Variants in PRRG1 observed in about 807,000 individuals in gnomAD.
PRRG1 encodes proline rich and Gla domain 1.
Under a neutral mutation model 11.8 loss-of-function variants are expected in PRRG1, and 5 were observed. The ratio of observed to expected loss-of-function variants is 0.42; its 90% confidence interval spans 0.22 to 0.89. The LOEUF (loss-of-function observed/expected upper bound fraction) is 0.89. Among genes scored for constraint, PRRG1 ranks in the 40% least tolerant of loss-of-function variants. PRRG1 has a pLI of 0.28. For synonymous variants in PRRG1, 66 were observed against 60.4 expected (o/e 1.09, Z -0.43); for missense variants, 155 against 166.1 (o/e 0.93, Z 0.37).
intron 3 of PRRG1, among the ~76,000 whole-genome samples, chrX:37,428,327 G>A (rs782727510): frequency 6.3e-5 from 7 of 111,459 alleles, no homozygotes; most frequent in South Asian, 3.8e-4. Context: ...TGTCCCTTCC[G>A]CCTATGAGTG....
At chrX:37,446,662 A>G (rs967424269) in intron 3 of PRRG1, among the ~76,000 whole-genome samples, 2 of 111,143 alleles carry the variant, frequency 1.8e-5, no homozygotes, top group Non-Finnish European at 3.8e-5. Flanking sequence ...CCCTGAGACT[A>G]ATTTATAGAG....
At chrX:37,368,766 C>T (rs1356987200) in intron 1 of PRRG1, among the ~76,000 whole-genome samples, 3 of 109,874 alleles carry the variant, frequency 2.7e-5, no homozygotes, top group Admixed American at 1.9e-4. Context: ...TTTTTAAATC[C>T]GTAAATGTTT....
chrX:37,364,962 G>C (rs2146927049), intron 1 of PRRG1, among the ~76,000 whole-genome samples: 1 of 111,716 alleles, frequency 9.0e-6, no homozygotes, highest in East Asian at 2.8e-4. Context: ...CCTACATATA[G>C]TCATATTAAA....
At chrX:37,402,333 A>G (rs1304773975) in intron 1 of PRRG1, among the ~76,000 whole-genome samples, 3 of 111,597 alleles carry the variant, frequency 2.7e-5, no homozygotes, top group Admixed American at 9.5e-5. Flanking sequence ...ATAATACTGC[A>G]TATCTACAAC....
chrX:37,455,521 A>G lies in PRRG1; in HGVS notation c.*1900A>G, dbSNP rs1232437412. On this transcript the variant is annotated 3_prime_UTR_variant, in exon 4 of 4. Coordinates refer to ENST00000378628, the MANE Select transcript of PRRG1 (RefSeq NM_001142395.2). ...TGTGGGCTGTTAGAGAACCCCTGCC[A>G]TGCTCTGGTCTGTTCTGAAACTGTG... The G allele has an allele frequency of 1.8e-5, 2 of 112,143 alleles. No individual in the cohort carries two copies. The highest frequency in any genetic ancestry group is 5.6e-4 in the East Asian group (2 of 3,586). 9.2% of individuals were successfully genotyped at this position (112,143 alleles called of 1,213,427 possible).
intron 1 of PRRG1, among the ~76,000 whole-genome samples, chrX:37,390,180 C>G (rs1931476546): frequency 9.0e-6 from 1 of 111,200 alleles, no homozygotes; most frequent in Non-Finnish European, 1.9e-5. Context: ...TCCCTCAAGC[C>G]TCTTTTATAA....
intron 3 of PRRG1, among the ~76,000 whole-genome samples, chrX:37,450,724 G>A (rs1421274988): frequency 8.9e-6 from 1 of 111,870 alleles, no homozygotes; most frequent in Non-Finnish European, 1.9e-5. Context: ...TGACCTGAGA[G>A]ACTGGGAAGA....
At position 37,406,227 on chromosome X, in the gene PRRG1, C is replaced by T. The variant is rs1932185369; in HGVS notation, c.-23C>T. The T allele has an allele frequency of 5.8e-6, 7 of 1,210,032 alleles. No homozygotes were observed. The highest frequency in any genetic ancestry group is 5.9e-5 in the East Asian group (2 of 33,811). On this transcript the variant is annotated 5_prime_UTR_variant, in exon 2 of 4. The change creates a new upstream start codon in the 5' untranslated region. Transcript: ENST00000378628. ...TGTACAGGGAATCATCATCCAGGGA[C>T]GTGCCAGAAACCACAAGAAAACATG...
intron 1 of PRRG1, among the ~76,000 whole-genome samples, chrX:37,402,295 C>T (rs1357739526): frequency 9.0e-6 from 1 of 111,306 alleles, no homozygotes; most frequent in Non-Finnish European, 1.9e-5. Flanking sequence ...GACATATAGA[C>T]CAATGGAACA....
chrX:37,420,848 C>A (rs373750123), intron 2 of PRRG1, among the ~76,000 whole-genome samples: 2 of 109,634 alleles, frequency 1.8e-5, no homozygotes, highest in South Asian at 7.9e-4. Flanking sequence ...GGCTACAGAG[C>A]GAAACTCTGT....
intron 3 of PRRG1, among the ~76,000 whole-genome samples, chrX:37,445,925 A>G (rs1486178688): frequency 1.8e-5 from 2 of 112,669 alleles, no homozygotes; most frequent in African/African-American, 6.4e-5. Flanking sequence ...CTAAGACTGT[A>G]TGTCCTACAA....
Position 37,455,806 on chromosome X carries a change from T to C in PRRG1, c.*2185T>C. On this transcript the variant is annotated 3_prime_UTR_variant, in exon 4 of 4. Coordinates refer to ENST00000378628, the MANE Select transcript of PRRG1 (RefSeq NM_001142395.2). ...TGTATGTATGTGTGGGGTTTTTTTC[T>C]TTATTTTTAAATGAAAATTAAGACA... The C allele has an allele frequency of 8.9e-6, 1 of 112,456 alleles. No individual in the cohort carries two copies. Among genetic ancestry groups the C allele is most frequent in the African/African-American group, 3.2e-5 (1 of 30,998 alleles). 9.3% of individuals were successfully genotyped at this position (112,456 alleles called of 1,213,427 possible).
intron 2 of PRRG1, among the ~76,000 whole-genome samples, chrX:37,410,118 A>C (rs782105161): frequency 2.7e-5 from 3 of 111,986 alleles, no homozygotes; most frequent in Non-Finnish European, 5.6e-5. Flanking sequence ...CCCATTCACT[A>C]TGTATGAATT....
rs1838546798 is a variant in PRRG1 at position 37,440,838 on chromosome X, A to T, written c.172-12298A>T. ...TGGAGTGCAGCTGTGAACATGGCTCATTGCAGCCTCAACTTCCTGTGCCCA... is the reference window on the plus strand; with the variant it reads ...TGGAGTGCAGCTGTGAACATGGCTCTTTGCAGCCTCAACTTCCTGTGCCCA... On this transcript the variant is annotated intron_variant, in intron 3 of 3. Transcript: ENST00000378628. 3 of 511,583 alleles carry T rather than the reference A, an allele frequency of 5.9e-6. No individual in the cohort carries two copies. The South Asian group carries it at 7.5e-5, about 13-fold the overall frequency. 42.2% of individuals were successfully genotyped at this position (511,583 alleles called of 1,213,427 possible). A position where few individuals can be genotyped will look rare whatever the true frequency, so the allele number is the denominator to read the frequency against.
chrX:37,452,727 A>G (rs782145696), intron 3 of PRRG1, among the ~76,000 whole-genome samples: 9 of 112,106 alleles, frequency 8.0e-5, no homozygotes, highest in Non-Finnish European at 1.7e-4. Context: ...TGTACATACT[A>G]TTAATGATGA....
intron 3 of PRRG1, among the ~76,000 whole-genome samples, chrX:37,448,508 C>A (rs1476697757): frequency 1.8e-5 from 2 of 111,981 alleles, no homozygotes; most frequent in East Asian, 2.8e-4. Context: ...ATTCAAGTGT[C>A]CTGAATCCAA....
At chrX:37,435,200 A>G (rs782585488) in intron 3 of PRRG1, among the ~76,000 whole-genome samples, 2 of 111,740 alleles carry the variant, frequency 1.8e-5, no homozygotes, top group African/African-American at 3.3e-5. Context: ...TGTTAAAGGG[A>G]CACAGGAGGT....
intron 1 of PRRG1, among the ~76,000 whole-genome samples, chrX:37,362,287 A>G (rs1930437736): frequency 8.9e-6 from 1 of 112,026 alleles, no homozygotes; most frequent in Non-Finnish European, 1.9e-5. Flanking sequence ...TCTCTAAACT[A>G]TGAATGTTAA....
At chrX:37,399,188 T>C (rs1790016940) in intron 1 of PRRG1, among the ~76,000 whole-genome samples, 1 of 109,961 alleles carries the variant, frequency 9.1e-6, no homozygotes, top group Non-Finnish European at 1.9e-5. Context: ...GTCAGATTCA[T>C]CAAAGTTGAA....
Sources: gnomAD v4.1 joint callset for allele counts (sites outside exome capture counted in the v4.1 genomes callset) on GRCh38, gnomAD v4.1.1 for gene constraint, MANE v1.5 for transcripts, NCBI Gene and HGNC (gene_info 2026-07-23, HGNC 2026-07-21) for gene names.